KCNMB2: variants seen among roughly 807,000 people sequenced by gnomAD.
The protein encoded by KCNMB2 is calcium-activated potassium channel subunit beta-2.
A neutral mutation model predicts 24.5 loss-of-function variants in KCNMB2; 9 were observed. The ratio of observed to expected loss-of-function variants is 0.37; its 90% CI spans 0.22 to 0.64. The LOEUF (loss-of-function observed/expected upper bound fraction) is 0.64, where lower values mean the gene tolerates loss of function less well. KCNMB2 is among the 30% of genes least tolerant of loss of function. The pLI is 0.63. For synonymous variants in KCNMB2, 109 were observed against 104.4 expected (o/e 1.04, Z -0.27); for missense variants, 226 against 284.3 (o/e 0.79, Z 1.47).
At chr3:178,782,351 C>T (rs1712891378) in intron 1 of KCNMB2, among the ~76,000 whole-genome samples, 2 of 148,738 alleles carry the variant, frequency 1.3e-5, no homozygotes, top group South Asian at 4.3e-4. Context: ...TTCTAGATCC[C>T]TGAGGAATCG....
intron 1 of KCNMB2, among the ~76,000 whole-genome samples, chr3:178,678,398 C>G (rs1721144944): frequency 6.6e-6 from 1 of 152,118 alleles, no homozygotes; most frequent in Non-Finnish European, 1.5e-5. Context: ...GCCTAAGGGA[C>G]TTTATTTTTA....
chr3:178,754,159 T>TAC (rs1723942446), intron 1 of KCNMB2, among the ~76,000 whole-genome samples: 2 of 76,362 alleles, frequency 2.6e-5, no homozygotes, highest in Admixed American at 1.3e-4. Context: ...TGTATATATA[T>TAC]ATATATATAT....
At chr3:178,582,793 T>A (rs1297110621) in intron 1 of KCNMB2, among the ~76,000 whole-genome samples, 5 of 152,190 alleles carry the variant, frequency 3.3e-5, no homozygotes, top group Admixed American at 3.3e-4. Context: ...ATGATTTTGT[T>A]TATATGCCCA....
At chr3:178,573,542 C>G (rs1577020299) in intron 1 of KCNMB2, among the ~76,000 whole-genome samples, 1 of 150,364 alleles carries the variant, frequency 6.7e-6, no homozygotes, top group Non-Finnish European at 1.5e-5. Context: ...GAGTTCAAGT[C>G]CAGCCTGGAC....
chr3:178,834,100 T>C (rs1407519067), intron 4 of KCNMB2, among the ~76,000 whole-genome samples: 2 of 152,016 alleles, frequency 1.3e-5, no homozygotes, highest in East Asian at 3.8e-4. Context: ...TGTAGTTTGG[T>C]GCAAAAAAAG....
At chr3:178,813,948 C>CGTT (rs201495357) in intron 2 of KCNMB2, among the ~76,000 whole-genome samples, 25,505 of 149,420 alleles carry the variant, frequency 0.17, 2,285 homozygotes, top group East Asian at 0.35. Flanking sequence ...AACTTCACTA[C>CGTT]GTTGTTGTTG....
intron 1 of KCNMB2, among the ~76,000 whole-genome samples, chr3:178,806,905 C>T (rs1472888042): frequency 6.6e-6 from 1 of 151,990 alleles, no homozygotes; most frequent in Admixed American, 6.5e-5. Context: ...CAACATGTCA[C>T]ACTTGTCAGC....
At chr3:178,653,976 C>T (rs1372022745) in intron 1 of KCNMB2, among the ~76,000 whole-genome samples, 1 of 152,014 alleles carries the variant, frequency 6.6e-6, no homozygotes, top group East Asian at 1.9e-4. Flanking sequence ...ATGAAAACTA[C>T]CATTTCTTGC....
chr3:178,713,380 TG>T (rs1194005113), intron 1 of KCNMB2, among the ~76,000 whole-genome samples: 1 of 152,212 alleles, frequency 6.6e-6, no homozygotes, highest in Non-Finnish European at 1.5e-5. Context: ...TCCACATGAA[TG>T]TTTAATGGGC....
intron 1 of KCNMB2, among the ~76,000 whole-genome samples, chr3:178,588,695 G>A (rs62284824): frequency 0.048 from 7,234 of 152,036 alleles, 226 homozygotes; most frequent in Middle Eastern, 0.099. Flanking sequence ...ATACATATAC[G>A]TGTATTCCTG....
rs191470445 is a variant in KCNMB2 at position 178,788,563 on chromosome 3, T to C, written c.-67-18780T>C. ...ATTTCAAATAATTGTCACATGGAAATCCTGTATGATATCTGCTGTTACTCT... is the reference window on the plus strand; with the variant it reads ...ATTTCAAATAATTGTCACATGGAAACCCTGTATGATATCTGCTGTTACTCT... On this transcript the variant is annotated intron_variant, in intron 1 of 4. Coordinates refer to ENST00000452583, the MANE Select transcript of KCNMB2 (RefSeq NM_181361.3). Among the ~76,000 whole-genome samples, 1,366 of 152,224 alleles carry C rather than the reference T, an allele frequency of 9.0e-3. 28 individuals carry two copies. Among genetic ancestry groups the C allele is most frequent in the African/African-American group, 0.032 (1,321 of 41,522 alleles).
chr3:178,688,211 G>C (rs1721532229), intron 1 of KCNMB2, among the ~76,000 whole-genome samples: 1 of 152,066 alleles, frequency 6.6e-6, no homozygotes, highest in African/African-American at 2.4e-5. Flanking sequence ...TATTTTATAG[G>C]ATAATAATTG....
intron 1 of KCNMB2, among the ~76,000 whole-genome samples, chr3:178,550,397 G>C (rs1198308249): frequency 7.2e-6 from 1 of 139,580 alleles, no homozygotes; most frequent in African/African-American, 2.7e-5. Context: ...GGCAGAACTT[G>C]CAGTGAGCCA....
chr3:178,729,583 G>A (rs1014202694), intron 1 of KCNMB2, among the ~76,000 whole-genome samples: 2 of 152,104 alleles, frequency 1.3e-5, no homozygotes, highest in African/African-American at 4.8e-5. Context: ...GTGCTGGGGC[G>A]AAGTCAGCCA....
intron 1 of KCNMB2, among the ~76,000 whole-genome samples, chr3:178,719,201 TCTC>T (rs72039616): frequency 0.072 from 11,032 of 152,272 alleles, 404 homozygotes; most frequent in Middle Eastern, 0.15. Context: ...CAACACCCTT[TCTC>T]CTGTCAGCAT....
intron 2 of KCNMB2, among the ~76,000 whole-genome samples, chr3:178,823,452 G>T (rs1714713442): frequency 6.6e-6 from 1 of 152,130 alleles, no homozygotes; most frequent in South Asian, 2.1e-4. Context: ...CTACTACAAT[G>T]GGCTCACTTC....
chr3:178,634,558 C>T (rs770786571), intron 1 of KCNMB2, among the ~76,000 whole-genome samples: 6 of 152,096 alleles, frequency 3.9e-5, no homozygotes, highest in Non-Finnish European at 7.4e-5. Flanking sequence ...AGGTAACCAC[C>T]TCCATGATTC....
chr3:178,695,297 CCA>C (rs139777355), intron 1 of KCNMB2, among the ~76,000 whole-genome samples: 12,438 of 152,282 alleles, frequency 0.082, 546 homozygotes, highest in Middle Eastern at 0.13. Context: ...TCCTTGGCCT[CCA>C]GGCCTGTGAT....
chr3:178,803,528 G>A (rs890615821), intron 1 of KCNMB2, among the ~76,000 whole-genome samples: 1 of 152,176 alleles, frequency 6.6e-6, no homozygotes, highest in Non-Finnish European at 1.5e-5. Context: ...ATACTTAGAT[G>A]GTCAAGGCAG....
Sources: gnomAD v4.1 joint callset for allele counts (sites outside exome capture counted in the v4.1 genomes callset) on GRCh38, gnomAD v4.1.1 for gene constraint, MANE v1.5 for transcripts, NCBI Gene and HGNC (gene_info 2026-07-23, HGNC 2026-07-21) for gene names.